Variants in C1GALT1 observed in about 807,000 individuals in gnomAD.
C1GALT1 encodes core 1 synthase, glycoprotein-N-acetylgalactosamine 3-beta-galactosyltransferase 1, also known as glycoprotein-N-acetylgalactosamine 3-beta-galactosyltransferase 1.
A neutral mutation model predicts 31.0 loss-of-function variants in C1GALT1; 11 were observed. That is an observed-to-expected ratio of 0.36 (90% CI 0.22 to 0.59). The LOEUF is 0.59. C1GALT1 is among the 20% of genes least tolerant of loss of function. C1GALT1 has a pLI of 0.79. For missense variants in C1GALT1, 424 were observed against 425.2 expected (o/e 1.00, Z 0.03); for synonymous variants, 175 against 143.6 (o/e 1.22, Z -1.56).
At chr7:7,208,250 G>A (rs532689623) in intron 1 of C1GALT1, among the ~76,000 whole-genome samples, 9 of 152,136 alleles carry the variant, frequency 5.9e-5, no homozygotes, top group African/African-American at 9.6e-5. Flanking sequence ...TTTATTTTAC[G>A]TAATGACCCT....
At chr7:7,204,782 CTTGTGA>C (rs1276626095) in intron 1 of C1GALT1, among the ~76,000 whole-genome samples, 1 of 152,142 alleles carries the variant, frequency 6.6e-6, no homozygotes, top group African/African-American at 2.4e-5. Flanking sequence ...TCTAATTACT[CTTGTGA>C]TTGATTCTTC....
At chr7:7,202,639 C>G (rs35660747) in intron 1 of C1GALT1, among the ~76,000 whole-genome samples, 14,582 of 152,128 alleles carry the variant, frequency 0.096, 855 homozygotes, top group East Asian at 0.16. Context: ...TGTAGTAAGT[C>G]TTGAAATCAG....
rs1783880648 is a variant in C1GALT1 at position 7,247,143 on chromosome 7, T to C, written c.*3416T>C. 6.6e-6 allele frequency: 1 copy of C among 152,204 alleles called. No individual in the cohort carries two copies. The highest frequency in any genetic ancestry group is 1.5e-5 in the Non-Finnish European group (1 of 68,008). 9.4% of individuals were successfully genotyped at this position (152,204 alleles called of 1,614,324 possible). On this transcript the variant is annotated 3_prime_UTR_variant, in exon 4 of 4. Transcript: ENST00000436587. ...AATGCTGTTTTATAACATACATTTT[T>C]CTGCTAATTCATTCTGTTTTGTGTG... is the stretch of plus-strand genomic sequence containing the variant.
intron 2 of C1GALT1, among the ~76,000 whole-genome samples, chr7:7,167,277 C>G (rs77773413): frequency 6.6e-6 from 1 of 152,022 alleles, no homozygotes; most frequent in South Asian, 2.1e-4. Flanking sequence ...GAGTTTGCCC[C>G]GAATGGCAAT....
chr7:7,189,562 T>C (rs968632502), intron 1 of C1GALT1, among the ~76,000 whole-genome samples: 1 of 150,970 alleles, frequency 6.6e-6, no homozygotes. Flanking sequence ...ATTTTCTTTA[T>C]CTGTTTTTGT....
At chr7:7,212,862 A>C (rs914061159) in intron 1 of C1GALT1, among the ~76,000 whole-genome samples, 5 of 152,322 alleles carry the variant, frequency 3.3e-5, no homozygotes, top group African/African-American at 1.2e-4. Flanking sequence ...GTACATTATC[A>C]CAAAGGCAGG....
At chr7:7,195,775 T>G (rs1554290923) in intron 1 of C1GALT1, among the ~76,000 whole-genome samples, 2 of 152,170 alleles carry the variant, frequency 1.3e-5, no homozygotes, top group Non-Finnish European at 2.9e-5. Flanking sequence ...AGTATTAAAG[T>G]CCCCCACTAT....
At chr7:7,203,139 A>G (rs1376711912) in intron 1 of C1GALT1, among the ~76,000 whole-genome samples, 2 of 146,758 alleles carry the variant, frequency 1.4e-5, no homozygotes, top group Non-Finnish European at 3.0e-5. Context: ...ATATAAGATC[A>G]TATCATTTGT....
At chr7:7,191,246 C>G (rs950571515) in intron 1 of C1GALT1, among the ~76,000 whole-genome samples, 1 of 152,040 alleles carries the variant, frequency 6.6e-6, no homozygotes, top group Non-Finnish European at 1.5e-5. Context: ...ATTATTTGTC[C>G]TTTTGTGATT....
At position 7,247,064 on chromosome 7, in the gene C1GALT1, G is replaced by C. The variant is rs979716182; in HGVS notation, c.*3337G>C. ...CATAATTTATTAAAAACATACATAA[G>C]TGTCATCAAAAAGGTCCACAATTGT... is the stretch of plus-strand genomic sequence containing the variant. On this transcript the variant is annotated 3_prime_UTR_variant, in exon 4 of 4. Transcript: ENST00000436587. 24 of 151,956 alleles carry C rather than the reference G, an allele frequency of 1.6e-4. No homozygotes were observed. Among genetic ancestry groups the C allele is most frequent in the African/African-American group, 5.3e-4 (22 of 41,356 alleles). The allele number at this position is 151,956 out of a possible 1,614,324, so 9.4% of individuals were successfully genotyped here.
intron 2 of C1GALT1, among the ~76,000 whole-genome samples, chr7:7,162,502 A>G (rs1195288029): frequency 6.6e-6 from 1 of 151,180 alleles, no homozygotes; most frequent in Non-Finnish European, 1.5e-5. Context: ...CATTTTCTTA[A>G]TCCAGTCTAT....
At chr7:7,210,110 CAG>C (rs930614282) in intron 1 of C1GALT1, among the ~76,000 whole-genome samples, 5 of 152,136 alleles carry the variant, frequency 3.3e-5, no homozygotes, top group African/African-American at 7.2e-5. Flanking sequence ...GTGCAGGTCA[CAG>C]GGGATATGAT....
At chr7:7,204,293 G>A (rs1025478477) in intron 1 of C1GALT1, among the ~76,000 whole-genome samples, 1 of 151,718 alleles carries the variant, frequency 6.6e-6, no homozygotes, top group African/African-American at 2.4e-5. Context: ...TTGTTATTCT[G>A]TTTCAGTAAG....
chr7:7,217,268 A>T (rs1782288096), intron 1 of C1GALT1, among the ~76,000 whole-genome samples: 1 of 152,152 alleles, frequency 6.6e-6, no homozygotes, highest in African/African-American at 2.4e-5. Context: ...CAGAAAGAAG[A>T]AAGAAGGTAG....
rs1356128710 is a variant in C1GALT1, at chr7:7,234,406, T to C, written c.87T>C (p.Ile29=). 1 of 1,613,908 alleles carries C rather than the reference T, an allele frequency of 6.2e-7. No individual in the cohort carries two copies. Among genetic ancestry groups the C allele is most frequent in the Non-Finnish European group, 8.5e-7 (1 of 1,179,854 alleles). ...GFLLCSQLFS[I]LLGEKVDTQP... The stretch of plus-strand genomic sequence containing the variant: ...TTTTATGTTCTCAGCTATTTAGTAT[T>C]TTGTTGGGAGAAAAGGTTGACACCC... The change falls in exon 2 of 4, where the codon ATT becomes ATC. Residue 29 remains isoleucine, a synonymous_variant. Transcript: ENST00000436587.
upstream of C1GALT1, among the ~76,000 whole-genome samples, chr7:7,181,270 AGGGGG>A (rs1780580973): frequency 6.6e-6 from 1 of 152,102 alleles, no homozygotes; most frequent in Admixed American, 6.5e-5. Context: ...GGAAAGGTGG[AGGGGG>A]AGGAGGCTGA....
At chr7:7,242,945 T>C (rs1164797662) in intron 3 of C1GALT1, among the ~76,000 whole-genome samples, 1 of 152,124 alleles carries the variant, frequency 6.6e-6, no homozygotes, top group Non-Finnish European at 1.5e-5. Context: ...TTATAGAGAT[T>C]AAATAACTTA....
chr7:7,230,957 A>C (rs1387910385), intron 1 of C1GALT1, among the ~76,000 whole-genome samples: 1 of 152,146 alleles, frequency 6.6e-6, no homozygotes, highest in Admixed American at 6.5e-5. Flanking sequence ...ACTTACATAC[A>C]TACCCTTTTT....
At chr7:7,236,483 GGATTGT>G (rs1783359137) in intron 2 of C1GALT1, among the ~76,000 whole-genome samples, 1 of 151,904 alleles carries the variant, frequency 6.6e-6, no homozygotes, top group Non-Finnish European at 1.5e-5. Flanking sequence ...TTGTCCTTTT[GGATTGT>G]GAATCTTGAT....
Sources: allele counts gnomAD v4.1 joint callset (sites outside exome capture counted in the v4.1 genomes callset), GRCh38; gene constraint gnomAD v4.1.1; transcripts MANE v1.5; gene names NCBI Gene and HGNC (gene_info 2026-07-23, HGNC 2026-07-21).